PTPRK: variants seen among roughly 807,000 people sequenced by gnomAD.
PTPRK encodes receptor-type tyrosine-protein phosphatase kappa.
A neutral mutation model predicts 178.0 loss-of-function variants in PTPRK; 75 were observed. The ratio of observed to expected loss-of-function variants is 0.42; its 90% CI spans 0.35 to 0.51. The LOEUF (loss-of-function observed/expected upper bound fraction) is 0.51. PTPRK is among the 20% of genes least tolerant of loss of function. PTPRK has a pLI of 0.02. For synonymous variants in PTPRK, 637 were observed against 620.6 expected, an observed-to-expected ratio of 1.03 and a Z score of -0.39; for missense variants, 1,441 against 1,797.8, an observed-to-expected ratio of 0.80 and a Z score of 3.59.
chr6:128,204,675 C>T (rs1806596258), intron 6 of PTPRK, among the ~76,000 whole-genome samples: 2 of 150,164 alleles, frequency 1.3e-5, no homozygotes, highest in South Asian at 4.2e-4. Flanking sequence ...AAAAGATCAA[C>T]ATCACTGATC....
intron 1 of PTPRK, among the ~76,000 whole-genome samples, chr6:128,401,389 G>A (rs1277370353): frequency 6.6e-6 from 1 of 152,140 alleles, no homozygotes; most frequent in Non-Finnish European, 1.5e-5. Flanking sequence ...AGATTCTTGA[G>A]TGCTTATTTA....
At chr6:128,087,398 G>C (rs894518124) in intron 8 of PTPRK, among the ~76,000 whole-genome samples, 4 of 152,092 alleles carry the variant, frequency 2.6e-5, no homozygotes, top group Non-Finnish European at 4.4e-5. Context: ...AAAGTGCCTA[G>C]TGTGACACAG....
chr6:128,268,004 C>T (rs1042906982), intron 3 of PTPRK, among the ~76,000 whole-genome samples: 30 of 151,862 alleles, frequency 2.0e-4, no homozygotes, highest in African/African-American at 7.0e-4. Flanking sequence ...ATATACGGAA[C>T]CATCATAAAA....
At chr6:127,992,112 C>T (rs3903664) in intron 19 of PTPRK, among the ~76,000 whole-genome samples, 21,482 of 151,618 alleles carry the variant, frequency 0.14, 2,240 homozygotes, top group African/African-American at 0.3. Context: ...ACTACAGATG[C>T]TTTTTTTGTT....
intron 3 of PTPRK, among the ~76,000 whole-genome samples, chr6:128,305,300 T>C (rs1257594427): frequency 6.6e-6 from 1 of 152,180 alleles, no homozygotes; most frequent in Admixed American, 6.5e-5. Flanking sequence ...AATCACCAAA[T>C]AATACTGGAT....
chr6:128,192,600 G>A (rs1803992324), intron 6 of PTPRK, among the ~76,000 whole-genome samples: 1 of 151,898 alleles, frequency 6.6e-6, no homozygotes, highest in Non-Finnish European at 1.5e-5. Context: ...AAGGCAAATC[G>A]CTCGAGCCCA....
At chr6:128,291,009 C>A (rs193125690) in intron 3 of PTPRK, among the ~76,000 whole-genome samples, 161 of 152,114 alleles carry the variant, frequency 1.1e-3, no homozygotes, top group African/African-American at 3.5e-3. Flanking sequence ...AAAATGCCTA[C>A]ATATGAATCT....
chr6:128,297,589 C>A (rs1232342109), intron 3 of PTPRK, among the ~76,000 whole-genome samples: 1 of 152,218 alleles, frequency 6.6e-6, no homozygotes, highest in Non-Finnish European at 1.5e-5. Flanking sequence ...AATCGCTCAA[C>A]TACATGGAAA....
intron 2 of PTPRK, among the ~76,000 whole-genome samples, chr6:128,332,675 TG>T (rs1830430785): frequency 6.6e-6 from 1 of 152,226 alleles, no homozygotes; most frequent in Non-Finnish European, 1.5e-5. Context: ...TCCAACTTAA[TG>T]GCACTTAACC....
intron 13 of PTPRK, among the ~76,000 whole-genome samples, chr6:128,047,623 T>C (rs1212479219): frequency 6.6e-6 from 1 of 152,156 alleles, no homozygotes; most frequent in East Asian, 1.9e-4. Flanking sequence ...AGAAAGAGAT[T>C]CACTATTTTA....
At chr6:128,399,480 A>G (rs1317083752) in intron 1 of PTPRK, among the ~76,000 whole-genome samples, 1 of 152,260 alleles carries the variant, frequency 6.6e-6, no homozygotes, top group Non-Finnish European at 1.5e-5. Flanking sequence ...TAGACCTTTT[A>G]TAAATGCTCT....
In PTPRK at chr6:128,054,543, TC is replaced by T. The variant is rs538662443; in HGVS notation, c.2194+10214del. Among the ~76,000 whole-genome samples, 9 of 152,288 alleles carry T rather than the reference TC, an allele frequency of 5.9e-5. No homozygotes were observed. The South Asian group carries it at 1.9e-3, about 32-fold the overall frequency. On this transcript the variant is annotated intron_variant, in intron 13 of 29. Transcript: ENST00000368226. ...AGAGAGTTCAGATGACTTGTTCAAATCCTAATAGCCAATAAATAGCAGAGGG... is the reference window on the plus strand; with the variant it reads ...AGAGAGTTCAGATGACTTGTTCAAATCTAATAGCCAATAAATAGCAGAGGG...
At chr6:128,146,424 ATGTG>A (rs35899707) in intron 7 of PTPRK, among the ~76,000 whole-genome samples, 3,283 of 135,890 alleles carry the variant, frequency 0.024, 70 homozygotes, top group African/African-American at 0.06. Context: ...GTGTGTGTTT[ATGTG>A]TGTGTGTGTG....
At chr6:128,429,201 G>A (rs1052422668) in intron 1 of PTPRK, among the ~76,000 whole-genome samples, 1 of 152,200 alleles carries the variant, frequency 6.6e-6, no homozygotes. Context: ...AGGAACACAT[G>A]ACCGTAAGGT....
intron 7 of PTPRK, among the ~76,000 whole-genome samples, chr6:128,155,456 T>C (rs1251315551): frequency 6.6e-6 from 1 of 151,692 alleles, no homozygotes; most frequent in Non-Finnish European, 1.5e-5. Context: ...ACGGTTAATT[T>C]AGGAAAGGCG....
chr6:128,167,788 T>C (rs1022609028), intron 7 of PTPRK, among the ~76,000 whole-genome samples: 9 of 152,178 alleles, frequency 5.9e-5, no homozygotes, highest in Non-Finnish European at 1.2e-4. Flanking sequence ...AGTTCTATCA[T>C]ACAACTGATG....
chr6:128,076,299 G>A (rs1783797948), intron 11 of PTPRK, among the ~76,000 whole-genome samples: 2 of 152,012 alleles, frequency 1.3e-5, no homozygotes, highest in South Asian at 4.1e-4. Flanking sequence ...TGCTGGTAGG[G>A]AGACTGAAAG....
At chr6:128,066,384 T>C (rs1781761472) in intron 12 of PTPRK, among the ~76,000 whole-genome samples, 1 of 152,134 alleles carries the variant, frequency 6.6e-6, no homozygotes, top group South Asian at 2.1e-4. Flanking sequence ...CTTTGCTACC[T>C]ACAAGCCAAG....
At chr6:128,020,187 C>T (rs1180420871) in intron 13 of PTPRK, among the ~76,000 whole-genome samples, 1 of 152,042 alleles carries the variant, frequency 6.6e-6, no homozygotes, top group Non-Finnish European at 1.5e-5. Flanking sequence ...GAAACTATAC[C>T]TTCCACATAC....
Sources: allele counts gnomAD v4.1 joint callset (sites outside exome capture counted in the v4.1 genomes callset), GRCh38; gene constraint gnomAD v4.1.1; transcripts MANE v1.5; gene names NCBI Gene and HGNC (gene_info 2026-07-23, HGNC 2026-07-21).